Variants in SPATA16 observed in about 807,000 individuals in gnomAD.
SPATA16 encodes the protein spermatogenesis-associated protein 16.
A neutral mutation model predicts 63.3 loss-of-function variants in SPATA16; 36 were observed. The observed-to-expected ratio is 0.57, with a 90% CI of 0.44 to 0.75. SPATA16 has a LOEUF of 0.75. SPATA16 is among the 30% of genes least tolerant of loss of function. The pLI is 0.00. For missense variants in SPATA16, 646 were observed against 679.3 expected (o/e 0.95, Z 0.54); for synonymous variants, 203 against 216.7 (o/e 0.94, Z 0.56).
In SPATA16 at chr3:173,125,712, G is replaced by A. The variant is rs759034836; in HGVS notation, c.-18-7963C>T. Among the ~76,000 whole-genome samples the A allele has an allele frequency of 6.6e-5, 10 of 152,180 alleles. No individual in the cohort carries two copies. In the South Asian group the frequency reaches 1.7e-3, roughly 25 times the overall value. On this transcript the variant is annotated intron_variant, in intron 1 of 10. Transcript: ENST00000351008. ...CTACCAAGTTGTGTATGTATTTTAC[G>A]TCTCTCCATGCCACTCATCATAGTG...
intron 6 of SPATA16, among the ~76,000 whole-genome samples, chr3:172,952,853 T>C (rs1301494118): frequency 2.0e-5 from 3 of 146,836 alleles, no homozygotes; most frequent in African/African-American, 7.6e-5. Flanking sequence ...GGCAGGAGAA[T>C]CGCTTGAACC....
At chr3:172,991,283 A>G (rs1197079007) in intron 4 of SPATA16, among the ~76,000 whole-genome samples, 2 of 152,138 alleles carry the variant, frequency 1.3e-5, no homozygotes, top group African/African-American at 2.4e-5. Context: ...TTAGTACTCT[A>G]TGAAGAGAAC....
chr3:173,059,832 C>CTTTTTTTTTTTT (rs201000096), intron 2 of SPATA16, among the ~76,000 whole-genome samples: 2 of 71,304 alleles, frequency 2.8e-5, no homozygotes, highest in Non-Finnish European at 2.7e-5. Flanking sequence ...CATTTGGTAG[C>CTTTTTTTTTTTT]TTTTTTTTTT....
chr3:172,913,749 G>A lies in SPATA16; in HGVS notation c.1504-5C>T, dbSNP rs1458293674. ...ATCTGCCATTAGTGACTGCAGCTGT[G>A]GCACCAAGATAAAAATTATCAGTGT... On this transcript the variant is annotated splice_polypyrimidine_tract_variant and splice_region_variant and intron_variant, in intron 9 of 10. Transcript: ENST00000351008. The A allele has an allele frequency of 6.2e-7, 1 of 1,612,566 alleles. No individual in the cohort carries two copies. Among genetic ancestry groups the A allele is most frequent in the South Asian group, 1.1e-5 (1 of 90,990 alleles).
chr3:173,091,580 T>G (rs1737221986), intron 2 of SPATA16, among the ~76,000 whole-genome samples: 1 of 152,118 alleles, frequency 6.6e-6, no homozygotes, highest in South Asian at 2.1e-4. Context: ...GTCAACATAT[T>G]TTCATATAGA....
chr3:172,954,115 T>G (rs990467322), intron 6 of SPATA16, among the ~76,000 whole-genome samples: 16 of 152,228 alleles, frequency 1.1e-4, no homozygotes, highest in Non-Finnish European at 1.9e-4. Flanking sequence ...TGCATTAGTT[T>G]GTTCTCACGG....
At chr3:172,898,700 T>C (rs1732061338) in intron 10 of SPATA16, among the ~76,000 whole-genome samples, 1 of 151,688 alleles carries the variant, frequency 6.6e-6, no homozygotes, top group Non-Finnish European at 1.5e-5. Flanking sequence ...TTTTTCTGTT[T>C]TCATTTCCAT....
intron 3 of SPATA16, among the ~76,000 whole-genome samples, chr3:173,026,075 C>T (rs999248952): frequency 2.0e-5 from 3 of 151,936 alleles, no homozygotes; most frequent in African/African-American, 7.2e-5. Flanking sequence ...GCATCGTCGC[C>T]AGAACTGGTA....
chr3:172,985,921 A>G (rs1431014432), intron 4 of SPATA16, among the ~76,000 whole-genome samples: 1 of 152,168 alleles, frequency 6.6e-6, no homozygotes, highest in Non-Finnish European at 1.5e-5. Context: ...GGGACAATTG[A>G]AGAGTTTTTG....
chr3:172,955,812 G>A (rs1733579534), intron 6 of SPATA16, among the ~76,000 whole-genome samples: 1 of 152,066 alleles, frequency 6.6e-6, no homozygotes, highest in African/African-American at 2.4e-5. Context: ...TTGTTTTCTT[G>A]TTCCTAAATG....
intron 5 of SPATA16, among the ~76,000 whole-genome samples, chr3:172,969,521 A>G (rs543770382): frequency 6.6e-6 from 1 of 152,322 alleles, no homozygotes; most frequent in African/African-American, 2.4e-5. Flanking sequence ...TACAGTTTTT[A>G]GTATCCCACT....
chr3:172,976,945 C>G (rs1441783472), intron 5 of SPATA16, 23 bp downstream of exon 5: 1 of 1,599,564 alleles, frequency 6.3e-7, no homozygotes, highest in Admixed American at 1.7e-5. Flanking sequence ...TTTCTCCTCC[C>G]TAGTTGGGAC....
chr3:173,134,656 C>T (rs937399165), intron 1 of SPATA16, among the ~76,000 whole-genome samples: 1 of 152,120 alleles, frequency 6.6e-6, no homozygotes, highest in African/African-American at 2.4e-5. Context: ...ACTTCCCAGC[C>T]TCCAGAATTG....
chr3:172,927,114 A>C (rs1201619376), intron 6 of SPATA16, among the ~76,000 whole-genome samples: 1 of 152,194 alleles, frequency 6.6e-6, no homozygotes, highest in Non-Finnish European at 1.5e-5. Flanking sequence ...CCTTTTGTCC[A>C]AACTAAAATT....
chr3:173,130,472 C>T (rs1404780204), intron 1 of SPATA16, among the ~76,000 whole-genome samples: 1 of 149,056 alleles, frequency 6.7e-6, no homozygotes, highest in Non-Finnish European at 1.5e-5. Context: ...TGCATTTTAA[C>T]TTAACCCCTA....
At chr3:173,014,465 A>G (rs1735136470) in intron 4 of SPATA16, among the ~76,000 whole-genome samples, 1 of 152,212 alleles carries the variant, frequency 6.6e-6, no homozygotes, top group Non-Finnish European at 1.5e-5. Context: ...GTAAGGGTGG[A>G]TAAACTACCA....
At position 173,086,759 on chromosome 3, in the gene SPATA16, A is replaced by G. The variant is rs865799003; in HGVS notation, c.612+30361T>C. Among the ~76,000 whole-genome samples the G allele has an allele frequency of 1.1e-4, 17 of 152,186 alleles. 1 individual carries two copies. In the South Asian group the frequency reaches 2.5e-3, roughly 22 times the overall value. On this transcript the variant is annotated intron_variant, in intron 2 of 10. Transcript: ENST00000351008. ...GTCTCTTTGTTCTCATTAGTTTCAA[A>G]GAAATTCTTAATTTCTGCCTTAATT... is the stretch of plus-strand genomic sequence containing the variant.
At chr3:172,963,458 A>G (rs1179920198) in intron 5 of SPATA16, among the ~76,000 whole-genome samples, 1 of 151,860 alleles carries the variant, frequency 6.6e-6, no homozygotes, top group Non-Finnish European at 1.5e-5. Flanking sequence ...TAAATATAAT[A>G]TTAAATTTAA....
At chr3:173,129,742 C>G (rs1195260844) in intron 1 of SPATA16, among the ~76,000 whole-genome samples, 4 of 152,082 alleles carry the variant, frequency 2.6e-5, no homozygotes, top group African/African-American at 9.7e-5. Flanking sequence ...AAAATCGAGT[C>G]AAGACATTTG....
Sources: gnomAD v4.1 joint callset for allele counts (sites outside exome capture counted in the v4.1 genomes callset) on GRCh38, gnomAD v4.1.1 for gene constraint, MANE v1.5 for transcripts, NCBI Gene and HGNC (gene_info 2026-07-23, HGNC 2026-07-21) for gene names.